Variants in CSRNP3 observed in about 807,000 individuals in gnomAD.
CSRNP3 encodes the protein cysteine/serine-rich nuclear protein 3.
CSRNP3 carries 12 observed loss-of-function variants against 48.0 expected under a neutral mutation model. That is an observed-to-expected ratio of 0.25 (90% CI 0.16 to 0.41). CSRNP3 has a LOEUF of 0.41. CSRNP3 is among the 10% of genes least tolerant of loss of function. The pLI is 1.00. For synonymous variants in CSRNP3, 263 were observed against 269.7 expected (o/e 0.98, Z 0.24); for missense variants, 580 against 724.4 (o/e 0.80, Z 2.29).
intron 3 of CSRNP3, among the ~76,000 whole-genome samples, chr2:165,581,419 C>T (rs547565769): frequency 1.3e-5 from 2 of 152,218 alleles, no homozygotes; most frequent in South Asian, 4.2e-4. Context: ...TGGGTATGAA[C>T]AATTTAGAGG....
Position 165,611,405 on chromosome 2 carries a change from A to G in CSRNP3, c.148+16192A>G, listed in dbSNP as rs560419496. 1.8e-4 allele frequency among the ~76,000 whole-genome samples: 28 copies of G among 152,126 alleles called. No homozygotes were observed. The South Asian group carries it at 5.6e-3, about 30-fold the overall frequency. On this transcript the variant is annotated intron_variant, in intron 4 of 6. Coordinates refer to ENST00000651982, the MANE Select transcript of CSRNP3 (RefSeq NM_001172173.2). The stretch of plus-strand genomic sequence containing the variant: ...TATATACATACATATATATATGTAT[A>G]TACTTTGAAACATTATGTTGTACAT...
intron 3 of CSRNP3, among the ~76,000 whole-genome samples, chr2:165,553,572 C>G (rs1346099369): frequency 6.6e-6 from 1 of 152,176 alleles, no homozygotes; most frequent in Non-Finnish European, 1.5e-5. Flanking sequence ...CAGAAGATTT[C>G]TTTCTTTTCT....
chr2:165,554,636 A>T (rs1469887648), intron 3 of CSRNP3, among the ~76,000 whole-genome samples: 2 of 152,186 alleles, frequency 1.3e-5, no homozygotes, highest in East Asian at 3.9e-4. Flanking sequence ...CTTTACTCCA[A>T]CAAATATTCA....
intron 2 of CSRNP3, among the ~76,000 whole-genome samples, chr2:165,505,885 A>G (rs1003283379): frequency 1.3e-5 from 2 of 152,174 alleles, no homozygotes; most frequent in Non-Finnish European, 2.9e-5. Context: ...AAAATAGTCA[A>G]AGTTAATGAT....
intron 3 of CSRNP3, among the ~76,000 whole-genome samples, chr2:165,522,040 C>T (rs2105236150): frequency 6.6e-6 from 1 of 152,248 alleles, no homozygotes; most frequent in South Asian, 2.1e-4. Flanking sequence ...CCTGTAATCC[C>T]AGCACTTTGG....
chr2:165,616,790 A>G (rs1367319785), intron 4 of CSRNP3, among the ~76,000 whole-genome samples: 1 of 152,132 alleles, frequency 6.6e-6, no homozygotes, highest in Non-Finnish European at 1.5e-5. Context: ...TTGGATGTCT[A>G]ATATCTCTTC....
chr2:165,666,691 T>G (rs201236002), intron 5 of CSRNP3, among the ~76,000 whole-genome samples: 9 of 196 alleles, frequency 0.046, no homozygotes, highest in African/African-American at 0.14. Flanking sequence ...GAGAGTGGTG[T>G]TAAGAGAGAG....
Position 165,681,726 on chromosome 2 carries a change from C to CATATATAT in CSRNP3, c.*2001_*2008dup, listed in dbSNP as rs1159941595. 0.023 allele frequency: 2,140 copies of CATATATAT among 93,454 alleles called. 40 individuals are homozygous for CATATATAT. Among genetic ancestry groups the CATATATAT allele is most frequent in the African/African-American group, 0.027 (572 of 21,576 alleles). 5.8% of individuals were successfully genotyped at this position (93,454 alleles called of 1,614,324 possible). A position where few individuals can be genotyped will look rare whatever the true frequency, so the allele number is the denominator to read the frequency against. On this transcript the variant is annotated 3_prime_UTR_variant, in exon 7 of 7. Coordinates refer to ENST00000651982, the MANE Select transcript of CSRNP3 (RefSeq NM_001172173.2). ...AGGATTTGTTGAAATCTCAAATATACATATATATATATATATATATATATA... is the reference window on the plus strand; with the variant it reads ...AGGATTTGTTGAAATCTCAAATATACATATATATATATATATATATATATATATATATA...
intron 3 of CSRNP3, among the ~76,000 whole-genome samples, chr2:165,552,826 C>G (rs1466194041): frequency 5.9e-5 from 9 of 152,112 alleles, no homozygotes; most frequent in Non-Finnish European, 1.3e-4. Context: ...TCCCAAGTAG[C>G]TGGGACTACA....
intron 3 of CSRNP3, among the ~76,000 whole-genome samples, chr2:165,573,910 G>T (rs532405792): frequency 1.3e-5 from 2 of 152,212 alleles, no homozygotes; most frequent in South Asian, 2.1e-4. Context: ...CCTTCCACAC[G>T]TATTTAAATG....
Position 165,679,575 on chromosome 2 carries a change from C to G in CSRNP3, c.1580C>G (p.Pro527Arg). The change falls in exon 7 of 7, where the codon CCT becomes CGT. Residue 527 changes from proline to arginine, a missense_variant. Transcript: ENST00000651982. ...SLYPEHRSNH[P>R]QVEFHSYLKG... ...TATCCTGAACACAGGTCCAATCACC[C>G]TCAAGTGGAATTTCACTCATACTTG... 1 of 1,614,008 alleles carries G rather than the reference C, an allele frequency of 6.2e-7. No individual in the cohort carries two copies. The highest frequency in any genetic ancestry group is 8.5e-7 in the Non-Finnish European group (1 of 1,179,988).
intron 5 of CSRNP3, among the ~76,000 whole-genome samples, chr2:165,664,012 C>T (rs1441092401): frequency 2.0e-5 from 3 of 152,106 alleles, no homozygotes; most frequent in Non-Finnish European, 4.4e-5. Flanking sequence ...TATCATCATC[C>T]CTCCTGGTGA....
intron 3 of CSRNP3, among the ~76,000 whole-genome samples, chr2:165,546,999 A>C (rs1685038996): frequency 6.6e-6 from 1 of 152,156 alleles, no homozygotes; most frequent in African/African-American, 2.4e-5. Flanking sequence ...ATTAAGCAAA[A>C]AGTGAGTTTC....
At chr2:165,521,212 C>A (rs1684657829) in intron 3 of CSRNP3, among the ~76,000 whole-genome samples, 1 of 150,528 alleles carries the variant, frequency 6.6e-6, no homozygotes, top group Non-Finnish European at 1.5e-5. Flanking sequence ...ATGCAGAGGG[C>A]TGGTTGAAGG....
intron 3 of CSRNP3, among the ~76,000 whole-genome samples, chr2:165,568,227 A>G (rs554404724): frequency 1.3e-5 from 2 of 151,938 alleles, no homozygotes; most frequent in African/African-American, 4.8e-5. Flanking sequence ...TCAACTGCCA[A>G]AATTGTCTTC....
At chr2:165,569,348 C>T (rs1445481349) in intron 3 of CSRNP3, among the ~76,000 whole-genome samples, 3 of 152,016 alleles carry the variant, frequency 2.0e-5, no homozygotes, top group Admixed American at 2.0e-4. Context: ...TTTCTTCATG[C>T]AGTAGAATGT....
intron 4 of CSRNP3, among the ~76,000 whole-genome samples, chr2:165,596,496 T>C (rs1685813859): frequency 6.6e-6 from 1 of 152,138 alleles, no homozygotes. Flanking sequence ...CTGTTGAACA[T>C]GAAATAAATA....
At chr2:165,673,213 C>A (rs934622667) in intron 5 of CSRNP3, among the ~76,000 whole-genome samples, 1 of 123,538 alleles carries the variant, frequency 8.1e-6, no homozygotes, top group Admixed American at 1.1e-4. Context: ...TATTGTCTCA[C>A]TGCAACCTTT....
intron 2 of CSRNP3, among the ~76,000 whole-genome samples, chr2:165,513,675 G>A (rs1684538656): frequency 6.6e-6 from 1 of 152,230 alleles, no homozygotes; most frequent in Non-Finnish European, 1.5e-5. Flanking sequence ...GCTGCTGACT[G>A]AAACATACCA....
Sources: gnomAD v4.1 joint callset for allele counts (sites outside exome capture counted in the v4.1 genomes callset) on GRCh38, gnomAD v4.1.1 for gene constraint, MANE v1.5 for transcripts, NCBI Gene and HGNC (gene_info 2026-07-23, HGNC 2026-07-21) for gene names.